The following TRIM16 variants were observed in gnomAD, a reference collection of about 807,000 sequenced individuals.
TRIM16 encodes tripartite motif-containing protein 16.
In TRIM16, 33 loss-of-function variants were observed where a neutral mutation model predicts 50.4. The ratio of observed to expected loss-of-function variants is 0.65; its 90% CI spans 0.50 to 0.88. TRIM16 has a LOEUF of 0.88. Among genes scored for constraint, TRIM16 ranks in the 40% least tolerant of loss-of-function variants. The pLI, the probability that TRIM16 is intolerant of heterozygous loss-of-function variation, is 0.00. For synonymous variants in TRIM16, 229 were observed against 270.7 expected, an observed-to-expected ratio of 0.85 and a Z score of 1.51; for missense variants, 581 against 686.8, an observed-to-expected ratio of 0.85 and a Z score of 1.72.
chr17:15,677,096 A>G (rs1476538466), intron 6 of TRIM16, 80 bp downstream of exon 6: 1 of 889,530 alleles, frequency 1.1e-6, no homozygotes, highest in Non-Finnish European at 1.3e-6. Context: ...GGGATTCAAC[A>G]TTTTCTACAG....
chr17:15,654,551 T>C (rs1252307586), intron 6 of TRIM16: 2 of 152,246 alleles, frequency 1.3e-5, no homozygotes, highest in Non-Finnish European at 2.9e-5. Flanking sequence ...AATTAACTGC[T>C]TGTTTTTCTG....
chr17:15,632,814 G>T, intron 9 of TRIM16, 140 bp from the exon 10 acceptor site: 1 of 1,196,780 alleles, frequency 8.4e-7, no homozygotes, highest in Non-Finnish European at 1.1e-6. Flanking sequence ...CATGTGAAGT[G>T]TCAAGCTCAG....
At chr17:15,630,070 G>A (rs1300190605) in intron 11 of TRIM16, among the ~76,000 whole-genome samples, 2 of 152,032 alleles carry the variant, frequency 1.3e-5, no homozygotes, top group Non-Finnish European at 2.9e-5. Context: ...CCTTGCCCTG[G>A]CCTACCAGGC....
At chr17:15,667,258 T>C (rs139254580) in intron 6 of TRIM16, among the ~76,000 whole-genome samples, 154 of 152,270 alleles carry the variant, frequency 1.0e-3, no homozygotes, top group Middle Eastern at 3.4e-3. Flanking sequence ...GTGAGTAAAA[T>C]TGCTGAGGCC....
chr17:15,677,904 T>C (rs1307313161), intron 4 of TRIM16, among the ~76,000 whole-genome samples, 183 bp from the exon 5 acceptor site: 1 of 152,238 alleles, frequency 6.6e-6, no homozygotes, highest in Admixed American at 6.5e-5. Flanking sequence ...ACAGTAATTT[T>C]ATATACAGAA....
At chr17:15,660,047 A>C (rs73272121) in intron 6 of TRIM16, among the ~76,000 whole-genome samples, 1 of 152,182 alleles carries the variant, frequency 6.6e-6, no homozygotes, top group Non-Finnish European at 1.5e-5. Context: ...TTACAGGGTG[A>C]GGGTGAGGGT....
At chr17:15,677,819 T>C (rs1002573584) in intron 4 of TRIM16, 98 bp from the exon 5 acceptor site, 7 of 908,686 alleles carry the variant, frequency 7.7e-6, no homozygotes, top group African/African-American at 5.4e-5. Flanking sequence ...CAAGATTTTA[T>C]TGACTCGTAT....
At chr17:15,642,609 C>T in intron 8 of TRIM16, 112 bp downstream of exon 8, 2 of 1,259,910 alleles carry the variant, frequency 1.6e-6, no homozygotes, top group Non-Finnish European at 2.2e-6. Flanking sequence ...GTCAACTGTA[C>T]CTACAATTCT....
At chr17:15,682,007 G>T (rs1989203370) in intron 3 of TRIM16, among the ~76,000 whole-genome samples, 1 of 152,144 alleles carries the variant, frequency 6.6e-6, no homozygotes, top group African/African-American at 2.4e-5. Context: ...TCCTGGCACT[G>T]TGTAACCATA....
At chr17:15,642,662 A>G (rs1440635131) in intron 8 of TRIM16, 59 bp downstream of exon 8, 3 of 630,900 alleles carry the variant, frequency 4.8e-6, no homozygotes, top group Admixed American at 6.0e-5. Context: ...AATGGAGGCT[A>G]GGCATGCAGT....
chr17:15,668,793 TC>T (rs1988608876), intron 6 of TRIM16, among the ~76,000 whole-genome samples: 1 of 152,182 alleles, frequency 6.6e-6, no homozygotes, highest in African/African-American at 2.4e-5. Context: ...CGTATATATT[TC>T]AACTCAGTGA....
intron 9 of TRIM16, 24 bp downstream of exon 9, chr17:15,636,012 C>G: frequency 6.2e-7 from 1 of 1,610,900 alleles, no homozygotes; most frequent in Non-Finnish European, 8.5e-7. Flanking sequence ...CTGTGGGATG[C>G]CTCTGCCCCC....
intron 6 of TRIM16, chr17:15,658,738 A>G: frequency 3.3e-6 from 3 of 919,048 alleles, no homozygotes; most frequent in Non-Finnish European, 3.9e-6. Flanking sequence ...TCAAAGTCTG[A>G]GAACCACTGA....
chr17:15,649,206 C>T lies in TRIM16; in HGVS notation c.519+1885G>A, dbSNP rs1250727316. Among the ~76,000 whole-genome samples the T allele has an allele frequency of 2.6e-5, 4 of 152,118 alleles. No homozygotes were observed. The South Asian group carries it at 6.2e-4, about 24-fold the overall frequency. On this transcript the variant is annotated intron_variant, in intron 7 of 11. Coordinates refer to ENST00000649191, the MANE Select transcript of TRIM16 (RefSeq NM_001348119.1). ...AGAAAGTGTAGACAGTATTAGCCTT[C>T]GAGGAGAAAACGGAGGTTTGGTGAT... is the stretch of plus-strand genomic sequence containing the variant.
chr17:15,642,843 G>A (rs1393166853), intron 7 of TRIM16, 27 bp from the exon 8 acceptor site: 2 of 589,506 alleles, frequency 3.4e-6, no homozygotes, highest in Non-Finnish European at 2.8e-6. Context: ...GAGAATTAAG[G>A]AGGAAGGAGC....
chr17:15,682,248 G>A (rs9901387), intron 3 of TRIM16, among the ~76,000 whole-genome samples: 3,956 of 151,946 alleles, frequency 0.026, 177 homozygotes, highest in African/African-American at 0.092. Context: ...TTTGTTTTAC[G>A]AGGAAAAAAA....
At chr17:15,637,194 C>T in intron 8 of TRIM16, among the ~76,000 whole-genome samples, 1 of 144,196 alleles carries the variant, frequency 6.9e-6, no homozygotes, top group Non-Finnish European at 1.5e-5. Context: ...CCCGCCTGGC[C>T]AGCCGTGCCG....
intron 8 of TRIM16, among the ~76,000 whole-genome samples, chr17:15,638,304 G>A (rs1986948891): frequency 6.8e-6 from 1 of 147,460 alleles, no homozygotes; most frequent in Admixed American, 6.7e-5. Flanking sequence ...CGGGTGCGGT[G>A]GCTCATGCCT....
chr17:15,636,994 C>T (rs1331362831), intron 8 of TRIM16, among the ~76,000 whole-genome samples: 2 of 149,552 alleles, frequency 1.3e-5, no homozygotes, highest in Non-Finnish European at 3.0e-5. Context: ...TTTCCAAGTT[C>T]TGAAGGTTTC....
Sources: allele counts gnomAD v4.1 joint callset (sites outside exome capture counted in the v4.1 genomes callset), GRCh38; gene constraint gnomAD v4.1.1; transcripts MANE v1.5; gene names NCBI Gene and HGNC (gene_info 2026-07-23, HGNC 2026-07-21).